Variants in FHOD3 observed in about 807,000 individuals in gnomAD.
The protein encoded by FHOD3 is FH1/FH2 domain-containing protein 3.
Under a neutral mutation model 173.0 loss-of-function variants are expected in FHOD3, and 90 were observed. The observed-to-expected ratio is 0.52, with a 90% CI of 0.44 to 0.62. FHOD3 has a LOEUF of 0.62. Among genes scored for constraint, FHOD3 ranks in the 20% least tolerant of loss-of-function variants. The pLI is 0.00. For missense variants in FHOD3, 1,945 were observed against 2,034.7 expected, an observed-to-expected ratio of 0.96 and a Z score of 0.85; for synonymous variants, 828 against 823.0, an observed-to-expected ratio of 1.01 and a Z score of -0.10.
At chr18:36,580,226 G>A (rs1191512814) in intron 6 of FHOD3, among the ~76,000 whole-genome samples, 1 of 152,198 alleles carries the variant, frequency 6.6e-6, no homozygotes, top group East Asian at 1.9e-4. Context: ...TCAGGACTCT[G>A]GGCTGCCTCT....
At chr18:36,494,841 A>G (rs531284051) in intron 3 of FHOD3, among the ~76,000 whole-genome samples, 150 of 152,160 alleles carry the variant, frequency 9.9e-4, no homozygotes, top group African/African-American at 3.5e-3. Context: ...TTTTACTGTT[A>G]TACTTTTTTT....
chr18:36,699,116 C>T (rs940477789), intron 17 of FHOD3, among the ~76,000 whole-genome samples: 1 of 152,208 alleles, frequency 6.6e-6, no homozygotes, highest in Non-Finnish European at 1.5e-5. Flanking sequence ...GCAGAAAAGA[C>T]TATCAATGCC....
intron 13 of FHOD3, 55 bp from the exon 14 acceptor site, chr18:36,658,020 C>A: frequency 1.5e-6 from 2 of 1,310,194 alleles, no homozygotes; most frequent in Non-Finnish European, 2.2e-6. Flanking sequence ...TATTTACTGA[C>A]TTGTACTTAT....
chr18:36,593,961 G>C (rs923085907), intron 6 of FHOD3, among the ~76,000 whole-genome samples: 1 of 152,198 alleles, frequency 6.6e-6, no homozygotes, highest in African/African-American at 2.4e-5. Flanking sequence ...TTTAGGAGGA[G>C]GCTTTTGGAA....
intron 1 of FHOD3, among the ~76,000 whole-genome samples, chr18:36,314,346 A>G (rs2092318673): frequency 6.6e-6 from 1 of 152,178 alleles, no homozygotes; most frequent in Non-Finnish European, 1.5e-5. Flanking sequence ...TGGGATACAA[A>G]TCACCAGCCA....
At chr18:36,545,348 G>A (rs1599592755) in intron 5 of FHOD3, among the ~76,000 whole-genome samples, 1 of 152,224 alleles carries the variant, frequency 6.6e-6, no homozygotes, top group African/African-American at 2.4e-5. Flanking sequence ...CAGGTGTGAG[G>A]CTTCTAGAGG....
At chr18:36,609,289 G>A (rs575023704) in intron 8 of FHOD3, among the ~76,000 whole-genome samples, 2 of 152,172 alleles carry the variant, frequency 1.3e-5, no homozygotes, top group Admixed American at 1.3e-4. Flanking sequence ...GCTGCAGGGT[G>A]GAACTGGGAG....
chr18:36,441,152 G>T (rs1433516670), intron 3 of FHOD3, among the ~76,000 whole-genome samples: 1 of 151,888 alleles, frequency 6.6e-6, no homozygotes, highest in African/African-American at 2.4e-5. Context: ...CTAGAATATT[G>T]CCCAGCAAGC....
At chr18:36,521,580 C>T (rs2056276461) in intron 5 of FHOD3, among the ~76,000 whole-genome samples, 1 of 152,202 alleles carries the variant, frequency 6.6e-6, no homozygotes, top group African/African-American at 2.4e-5. Flanking sequence ...GTCCTTCCAT[C>T]TCTGTCTATA....
At chr18:36,698,727 G>A (rs560312083) in intron 17 of FHOD3, among the ~76,000 whole-genome samples, 7 of 152,316 alleles carry the variant, frequency 4.6e-5, no homozygotes, top group Non-Finnish European at 8.8e-5. Context: ...CCACAATTCC[G>A]TGGATGCTGG....
chr18:36,578,879 T>C (rs868037367), intron 6 of FHOD3, among the ~76,000 whole-genome samples: 2 of 152,300 alleles, frequency 1.3e-5, no homozygotes, highest in South Asian at 2.1e-4. Context: ...CTAGTACTTA[T>C]TGATGAGAGA....
chr18:36,687,450 C>G (rs1046864115), intron 16 of FHOD3, among the ~76,000 whole-genome samples: 2 of 152,174 alleles, frequency 1.3e-5, no homozygotes, highest in Non-Finnish European at 1.5e-5. Context: ...TTGAAATACC[C>G]TGCACCACCA....
chr18:36,634,738 G>A (rs1050586031), intron 10 of FHOD3, among the ~76,000 whole-genome samples: 1 of 152,110 alleles, frequency 6.6e-6, no homozygotes, highest in Non-Finnish European at 1.5e-5. Flanking sequence ...TTAATACGGT[G>A]GTGGGAGAGT....
intron 3 of FHOD3, among the ~76,000 whole-genome samples, chr18:36,485,517 G>A (rs940644398): frequency 4.6e-5 from 7 of 152,200 alleles, no homozygotes; most frequent in African/African-American, 1.7e-4. Context: ...AAGTCCAGGG[G>A]CTGCCCCAGC....
rs186943893 is a variant in FHOD3, at chr18:36,472,774, C to T, written c.338-29158C>T. 1.9e-4 allele frequency among the ~76,000 whole-genome samples: 29 copies of T among 152,254 alleles called. No individual in the cohort carries two copies. The East Asian group carries it at 5.4e-3, about 28-fold the overall frequency. The stretch of plus-strand genomic sequence containing the variant: ...TTTTTTCTACTGCTGTGTAATTTTC[C>T]AGTGCATGTATATGCCACATTGCAT... On this transcript the variant is annotated intron_variant, in intron 3 of 28. Coordinates refer to ENST00000590592, the MANE Select transcript of FHOD3 (RefSeq NM_001281740.3).
intron 3 of FHOD3, among the ~76,000 whole-genome samples, chr18:36,444,376 A>T (rs1394757068): frequency 6.6e-6 from 1 of 151,958 alleles, no homozygotes; most frequent in Non-Finnish European, 1.5e-5. Flanking sequence ...CTCATACTCC[A>T]TTTTGGGTTC....
intron 5 of FHOD3, among the ~76,000 whole-genome samples, chr18:36,523,802 G>T (rs1400739636): frequency 1.3e-5 from 2 of 152,142 alleles, no homozygotes; most frequent in Non-Finnish European, 2.9e-5. Context: ...AAAAGCAGAA[G>T]GGATGAAAGC....
intron 3 of FHOD3, among the ~76,000 whole-genome samples, chr18:36,406,498 G>T (rs1490222921): frequency 2.0e-5 from 3 of 152,126 alleles, no homozygotes; most frequent in African/African-American, 7.2e-5. Flanking sequence ...GTGGTTGGGG[G>T]TGGGGAGAGA....
intron 3 of FHOD3, among the ~76,000 whole-genome samples, chr18:36,485,084 G>T (rs767883362): frequency 6.6e-6 from 1 of 152,170 alleles, no homozygotes. Flanking sequence ...TGAGCATTTG[G>T]GGGTGGATGG....
Sources: allele counts gnomAD v4.1 joint callset (sites outside exome capture counted in the v4.1 genomes callset), GRCh38; gene constraint gnomAD v4.1.1; transcripts MANE v1.5; gene names NCBI Gene and HGNC (gene_info 2026-07-23, HGNC 2026-07-21).